DNAH10: variants seen among roughly 807,000 people sequenced by gnomAD.
DNAH10 encodes the protein axonemal beta dynein heavy chain 10.
DNAH10 carries 348 observed loss-of-function variants against 506.6 expected under a neutral mutation model. The ratio of observed to expected loss-of-function variants is 0.69; its 90% confidence interval spans 0.63 to 0.75. DNAH10 has a LOEUF of 0.75. Ranked by LOEUF, DNAH10 falls within the 30% of genes least tolerant of loss-of-function variation. The pLI is 0.00. For missense variants in DNAH10, 5,179 were observed against 5,787.1 expected (o/e 0.89, Z 3.41); for synonymous variants, 2,059 against 2,198.6 (o/e 0.94, Z 1.78).
intron 51 of DNAH10, chr12:123,882,363 G>C (rs1952544907): frequency 6.6e-6 from 1 of 152,368 alleles, no homozygotes; most frequent in East Asian, 1.9e-4. Context: ...GTTAATCTTA[G>C]AATCTTGTAT....
chr12:123,783,397 A>G (rs1594010516), intron 7 of DNAH10, 133 bp downstream of exon 7: 1 of 1,024,154 alleles, frequency 9.8e-7, no homozygotes, highest in Non-Finnish European at 1.4e-6. Flanking sequence ...AGCCATCAAA[A>G]TAAACACACC....
rs748800828 is a variant in DNAH10 at position 123,851,045 on chromosome 12, T to C, written c.6260T>C (p.Met2087Thr). Residue 2087 changes from methionine to threonine, a missense_variant, in exon 35 of 79, where the codon ATG becomes ACG. Physicochemically the swap from Met to Thr is moderately conservative, Grantham distance 81. Around this residue, in one of 3 missense-constraint regions of DNAH10, gnomAD observed 4,844 missense variants for 5,430.5 expected, o/e 0.89. Transcript: ENST00000673944. ...VPDLQQICEI[M>T]LFSEGFLEAK... ...GACCTGCAGCAGATCTGTGAGATCA[T>C]GCTCTTCTCTGAGGGCTTCCTGGAG... The C allele has an allele frequency of 6.2e-7, 1 of 1,611,640 alleles. No homozygotes were observed. The highest frequency in any genetic ancestry group is 1.7e-5 in the Admixed American group (1 of 59,922).
intron 46 of DNAH10, among the ~76,000 whole-genome samples, chr12:123,873,975 C>T (rs2136996309): frequency 6.6e-6 from 1 of 152,260 alleles, no homozygotes; most frequent in East Asian, 1.9e-4. Context: ...GAACTAAATT[C>T]AGCATGTATT....
chr12:123,783,993 C>G lies in DNAH10; in HGVS notation c.1046C>G (p.Ala349Gly). 1 of 1,614,228 alleles carries G rather than the reference C, an allele frequency of 6.2e-7. No individual in the cohort carries two copies. Among genetic ancestry groups the G allele is most frequent in the Non-Finnish European group, 8.5e-7 (1 of 1,180,038 alleles). The change falls in exon 8 of 79, where the codon GCA becomes GGA. Residue 349 changes from alanine to glycine, a missense_variant. Physicochemically the swap from Ala to Gly is moderately conservative, Grantham distance 60 (BLOSUM62 0). Coordinates refer to ENST00000673944, the MANE Select transcript of DNAH10 (RefSeq NM_001372106.1). ...ATTGAATTCTGGAGGGAAAGAAATG[C>G]AACCTTAAGTGCGCTGCATGAACAA... ...AEIEFWRERN[A>G]TLSALHEQTK...
rs139390231 is a variant in DNAH10 at position 123,897,885 on chromosome 12, C to A, written c.9396C>A (p.Ser3132Arg). 6.2e-7 allele frequency: 1 copy of A among 1,611,334 alleles called. No homozygotes were observed. Among genetic ancestry groups the A allele is most frequent in the Non-Finnish European group, 8.5e-7 (1 of 1,179,268 alleles). The change falls in exon 55 of 79, where the codon AGC (serine) becomes AGA (arginine). Residue 3132 changes from serine to arginine, a missense_variant. Ser to Arg is a moderately radical substitution (Grantham distance 110, BLOSUM62 -1). This residue lies in a region of DNAH10 where 4,844 missense variants were observed against 5,430.5 expected (regional missense o/e 0.89). Transcript: ENST00000673944. ...SQQFLQKLRR[S>R]NYVTPKNYLD... ...AGTTTCTACAGAAATTGAGGCGCAG[C>A]AACTATGTCACTCCCAAGAACTACC... is the stretch of plus-strand genomic sequence containing the variant.
intron 67 of DNAH10, 125 bp downstream of exon 67, chr12:123,924,557 T>A (rs952090023): frequency 8.3e-7 from 1 of 1,208,216 alleles, no homozygotes; most frequent in Non-Finnish European, 1.1e-6. Context: ...GTGTAACTGA[T>A]GCCCTGTAAC....
chr12:123,933,503 C>A lies in DNAH10; in HGVS notation c.13469C>A (p.Ala4490Glu). Reference protein sequence around the residue: ...FQDADEVNERAGQGCFVSGLY... With the variant: ...FQDADEVNEREGQGCFVSGLY... ...GATGCAGATGAAGTGAATGAGCGGGCGGGACAAGGTACCGTCAGCTCGTTA... is the reference window on the plus strand; with the variant it reads ...GATGCAGATGAAGTGAATGAGCGGGAGGGACAAGGTACCGTCAGCTCGTTA... The change falls in exon 77 of 79, where the codon GCG becomes GAG. Residue 4490 changes from alanine to glutamate, a missense_variant. Ala to Glu is a moderately radical substitution (Grantham distance 107). This residue lies in a region of DNAH10 where 4,844 missense variants were observed against 5,430.5 expected (regional missense o/e 0.89). Coordinates refer to ENST00000673944, the MANE Select transcript of DNAH10 (RefSeq NM_001372106.1). 1 of 1,600,644 alleles carries A rather than the reference C, an allele frequency of 6.2e-7. No homozygotes were observed. The highest frequency in any genetic ancestry group is 8.5e-7 in the Non-Finnish European group (1 of 1,172,098).
In DNAH10 at chr12:123,785,052, G is replaced by A. The variant is rs530244884; in HGVS notation, c.1231-694G>A. 1.3e-5 allele frequency among the ~76,000 whole-genome samples: 2 copies of A among 152,332 alleles called. No individual in the cohort carries two copies. Among genetic ancestry groups the A allele is most frequent in the East Asian group, 3.9e-4 (2 of 5,188 alleles). ...GAAGAATGCTGCTACGAACATTCTT[G>A]TACAAGGATTTGTGTGGATGTGTGT... On this transcript the variant is annotated intron_variant, in intron 8 of 78. Coordinates refer to ENST00000673944, the MANE Select transcript of DNAH10 (RefSeq NM_001372106.1). This position sits in a 1 kb window ranked among gnomAD's most constrained non-coding sequence, Gnocchi z 4.1.
Position 123,934,701 on chromosome 12 carries a change from G to T in DNAH10, c.13558G>T (p.Val4520Leu), listed in dbSNP as rs1249703199. 1 of 1,613,714 alleles carries T rather than the reference G, an allele frequency of 6.2e-7. No individual in the cohort carries two copies. Among genetic ancestry groups the T allele is most frequent in the Admixed American group, 1.7e-5 (1 of 59,978 alleles). The change falls in exon 78 of 79, where the codon GTG becomes TTG. Residue 4520 changes from valine to leucine, a missense_variant. Physicochemically the swap from Val to Leu is conservative, Grantham distance 32. Coordinates refer to ENST00000673944, the MANE Select transcript of DNAH10 (RefSeq NM_001372106.1). The stretch of plus-strand genomic sequence containing the variant: ...ATGTCTTATCAAGAGCAAACCCAAG[G>T]TGCTGGTTGTGGACCTGCCGATCCT... ...KGCLIKSKPK[V>L]LVVDLPILKI...
Position 123,933,341 on chromosome 12 carries a change from G to A in DNAH10, c.13307G>A (p.Ser4436Asn). The change falls in exon 77 of 79, where the codon AGC becomes AAC. Residue 4436 changes from serine to asparagine, a missense_variant. Around this residue, in one of 3 missense-constraint regions of DNAH10, gnomAD observed 4,844 missense variants for 5,430.5 expected, o/e 0.89. Coordinates refer to ENST00000673944, the MANE Select transcript of DNAH10 (RefSeq NM_001372106.1). ...CTCTCTTCTCTCCAGGTGACCGAGA[G>A]CGAGCCCAGCGTGATGTGGCTCTCG... ...FSQYMLWVTE[S>N]EPSVMWLSGL... 1 of 1,577,438 alleles carries A rather than the reference G, an allele frequency of 6.3e-7. No homozygotes were observed. Among genetic ancestry groups the A allele is most frequent in the South Asian group, 1.2e-5 (1 of 86,956 alleles).
chr12:123,856,340 C>T (rs1951389884), intron 36 of DNAH10, among the ~76,000 whole-genome samples: 2 of 148,870 alleles, frequency 1.3e-5, no homozygotes, highest in East Asian at 2.0e-4. Context: ...ATCTATCTAT[C>T]TATCTATCTT....
At chr12:123,786,807 G>A (rs1957872906) in intron 9 of DNAH10, among the ~76,000 whole-genome samples, 1 of 151,968 alleles carries the variant, frequency 6.6e-6, no homozygotes, top group Non-Finnish European at 1.5e-5. Flanking sequence ...GGATGCTAAG[G>A]GAGACAGATA....
Position 123,928,558 on chromosome 12 carries a change from C to G in DNAH10, c.12277C>G (p.Pro4093Ala). ...CACCACGGACCCCACCAAGGGCTTC[C>G]CCATTGGGATTCTGCAGAAGTCCCT... The part of the protein sequence containing the change: ...WLTTDPTKGF[P>A]IGILQKSLKV... The change falls in exon 70 of 79, where the codon CCC becomes GCC. Residue 4093 changes from proline (P) to alanine (A), a missense_variant. Physicochemically the swap from Pro to Ala is conservative, Grantham distance 27. Around this residue, in one of 3 missense-constraint regions of DNAH10, gnomAD observed 4,844 missense variants for 5,430.5 expected, o/e 0.89. Coordinates refer to ENST00000673944, the MANE Select transcript of DNAH10 (RefSeq NM_001372106.1). This position sits in a 1 kb window ranked among gnomAD's most constrained non-coding sequence, Gnocchi z 4.9. 6.2e-7 allele frequency: 1 copy of G among 1,607,820 alleles called. No individual in the cohort carries two copies. Among genetic ancestry groups the G allele is most frequent in the Non-Finnish European group, 8.5e-7 (1 of 1,177,152 alleles).
chr12:123,914,480 G>A lies in DNAH10; in HGVS notation c.10504G>A (p.Glu3502Lys). ...TCGGATTTGGCAAAATGACATCCTG[G>A]AGCGGGAGATCCCCCTGAGCCAGCC... ...VNRIWQNDILEREIPLSQPFR... is the reference protein window; with the variant it reads ...VNRIWQNDILKREIPLSQPFR... The change falls in exon 61 of 79, where the codon GAG becomes AAG. Residue 3502 changes from glutamate to lysine, a missense_variant. Transcript: ENST00000673944. The A allele has an allele frequency of 1.2e-6, 2 of 1,613,820 alleles. No homozygotes were observed. The highest frequency in any genetic ancestry group is 1.6e-4 in the Middle Eastern group (1 of 6,062).
At chr12:123,774,902 G>A (rs1238304370) in intron 5 of DNAH10, among the ~76,000 whole-genome samples, 1 of 152,196 alleles carries the variant, frequency 6.6e-6, no homozygotes, top group Admixed American at 6.5e-5. Context: ...AACACTGAGG[G>A]TCAAGCAGTG....
intron 13 of DNAH10, 40 bp from the exon 14 acceptor site, chr12:123,799,206 T>TTCA: frequency 1.4e-6 from 2 of 1,420,792 alleles, no homozygotes; most frequent in Non-Finnish European, 1.9e-6. Flanking sequence ...AAAATGTTAT[T>TTCA]TTCAAGGACA....
rs371171080 is a variant in DNAH10, at chr12:123,917,747, G to A, written c.11166G>A (p.Thr3722=). The A allele has an allele frequency of 3.2e-5, 50 of 1,574,796 alleles. No individual in the cohort carries two copies. The highest frequency in any genetic ancestry group is 4.1e-5 in the Non-Finnish European group (48 of 1,160,630). ...DSLLRELATS[T]GNMLDNVDLV... ...TCCTTCGGGAGCTGGCCACGTCCAC[G>A]GGGAACATGCTGGACAATGTGGACC... The change falls in exon 64 of 79, where the codon ACG becomes ACA. Residue 3722 remains threonine (T), a synonymous_variant. Transcript: ENST00000673944. This position sits in a 1 kb window ranked among gnomAD's most constrained non-coding sequence, Gnocchi z 5.6.
chr12:123,915,153 C>T lies in DNAH10; in HGVS notation c.10722+154C>T, dbSNP rs562824255. On this transcript the variant is annotated intron_variant, in intron 62 of 78. Transcript: ENST00000673944. ...CCCATGCGGAGCCCTCCCCCGGCTC[C>T]GCCTCCGCCTCCACCCCGTGGGTCT... 3.0e-4 allele frequency among the ~76,000 whole-genome samples: 46 copies of T among 152,308 alleles called. 1 individual carries two copies. Among genetic ancestry groups the T allele is most frequent in the Middle Eastern group, 3.4e-3 (1 of 294 alleles).
chr12:123,805,113 A>C, intron 18 of DNAH10, 73 bp downstream of exon 18: 2 of 1,473,558 alleles, frequency 1.4e-6, no homozygotes, highest in Non-Finnish European at 1.8e-6. Context: ...GGACAGTTAG[A>C]GGGGGTGGCA....
Sources: allele counts gnomAD v4.1 joint callset (sites outside exome capture counted in the v4.1 genomes callset), GRCh38; gene constraint gnomAD v4.1.1; regional missense constraint gnomAD v4.1.1; non-coding constraint Gnocchi (gnomAD v3.1); transcripts MANE v1.5; gene names NCBI Gene and HGNC (gene_info 2026-07-23, HGNC 2026-07-21).